Variants in FLVCR1 observed in about 807,000 individuals in gnomAD.
FLVCR1 encodes choline/ethanolamine transporter FLVCR1.
A neutral mutation model predicts 53.6 loss-of-function variants in FLVCR1; 34 were observed. The ratio of observed to expected loss-of-function variants is 0.63; its 90% confidence interval spans 0.48 to 0.84. The LOEUF is 0.84. Among genes scored for constraint, FLVCR1 ranks in the 40% least tolerant of loss-of-function variants. The probability of loss-of-function intolerance (pLI) is 0.00; values close to 1 mark genes in which losing one functional copy is unlikely to be tolerated. For missense variants in FLVCR1, 677 were observed against 696.7 expected, an observed-to-expected ratio of 0.97 and a Z score of 0.32; for synonymous variants, 300 against 286.3, an observed-to-expected ratio of 1.05 and a Z score of -0.48.
At chr1:212,876,991 A>G (rs1478575691) in intron 3 of FLVCR1, among the ~76,000 whole-genome samples, 1 of 152,148 alleles carries the variant, frequency 6.6e-6, no homozygotes, top group Non-Finnish European at 1.5e-5. Flanking sequence ...CAACCTTGCC[A>G]GCATCTGTTG....
intron 4 of FLVCR1, 102 bp from the exon 5 acceptor site, chr1:212,885,191 T>C: frequency 1.2e-6 from 1 of 852,722 alleles, no homozygotes; most frequent in South Asian, 1.4e-5. Flanking sequence ...TGCTTAGTTT[T>C]ATCTAATTAT....
chr1:212,868,435 CAG>C (rs1159487763), intron 2 of FLVCR1, among the ~76,000 whole-genome samples: 2 of 151,386 alleles, frequency 1.3e-5, no homozygotes, highest in Admixed American at 6.6e-5. Context: ...TATTTTGAGA[CAG>C]AGTTTAGCTC....
At chr1:212,871,220 C>A (rs548046672) in intron 2 of FLVCR1, among the ~76,000 whole-genome samples, 1 of 152,188 alleles carries the variant, frequency 6.6e-6, no homozygotes, top group East Asian at 1.9e-4. Context: ...CTATTGATAC[C>A]TGGCAAGATC....
chr1:212,884,419 TAC>T (rs566842624), intron 4 of FLVCR1, among the ~76,000 whole-genome samples: 1 of 151,518 alleles, frequency 6.6e-6, no homozygotes, highest in Non-Finnish European at 1.5e-5. Flanking sequence ...CAAAACAAAA[TAC>T]ACACACACAC....
chr1:212,891,334 T>A (rs567479278), intron 8 of FLVCR1, among the ~76,000 whole-genome samples: 1 of 59,078 alleles, frequency 1.7e-5, no homozygotes, highest in African/African-American at 3.7e-5. Context: ...ATTGCTTGAA[T>A]CTGGGAGGCT....
intron 2 of FLVCR1, among the ~76,000 whole-genome samples, chr1:212,864,765 A>G (rs1057385678): frequency 6.6e-6 from 1 of 152,236 alleles, no homozygotes; most frequent in Admixed American, 6.5e-5. Context: ...AATGGCTATA[A>G]TAGTAATGGA....
chr1:212,884,800 T>C (rs1346433181), intron 4 of FLVCR1, among the ~76,000 whole-genome samples: 1 of 152,232 alleles, frequency 6.6e-6, no homozygotes, highest in Non-Finnish European at 1.5e-5. Flanking sequence ...AGCCTATTGC[T>C]CCTAGGCTAC....
chr1:212,861,782 G>A (rs982112943), intron 1 of FLVCR1, among the ~76,000 whole-genome samples: 4 of 151,978 alleles, frequency 2.6e-5, no homozygotes, highest in Non-Finnish European at 4.4e-5. Flanking sequence ...CCATTCTCCT[G>A]CCTCAGCCTC....
Position 212,889,234 on chromosome 1 carries a change from T to C in FLVCR1, c.1502T>C (p.Met501Thr), listed in dbSNP as rs777314603. The C allele has an allele frequency of 6.2e-7, 1 of 1,612,402 alleles. No homozygotes were observed. The highest frequency in any genetic ancestry group is 1.1e-5 in the South Asian group (1 of 91,032). Residue 501 changes from methionine to threonine, a missense_variant, in exon 8 of 10, where the codon ATG (methionine) becomes ACG (threonine). Transcript: ENST00000366971. ...KAGNIFLCVWMFIGIILTALI... is the reference protein window; with the variant it reads ...KAGNIFLCVWTFIGIILTALI... Reference sequence around the variant, plus strand: ...GGGAACATTTTTCTCTGTGTCTGGATGTTTATAGGCATCATATTAACAGGT... The same window carrying C: ...GGGAACATTTTTCTCTGTGTCTGGACGTTTATAGGCATCATATTAACAGGT...
rs776954984 is a variant in FLVCR1, at chr1:212,897,923, A to G, written c.*2633A>G. On this transcript the variant is annotated 3_prime_UTR_variant, in exon 10 of 10. Coordinates refer to ENST00000366971, the MANE Select transcript of FLVCR1 (RefSeq NM_014053.4). ...TATCAGGCAGAATATATGCATTGAT[A>G]TATATTGAAATTATAACATTCTCTA... 5 of 152,216 alleles carry G rather than the reference A, an allele frequency of 3.3e-5. No homozygotes were observed. The highest frequency in any genetic ancestry group is 5.9e-5 in the Non-Finnish European group (4 of 68,036). The allele number at this position is 152,216 out of a possible 1,614,324, so 9.4% of individuals were successfully genotyped here. A position where few individuals can be genotyped will look rare whatever the true frequency, so the allele number is the denominator to read the frequency against.
At chr1:212,859,507 C>CA (rs1664153436) in intron 1 of FLVCR1, among the ~76,000 whole-genome samples, 1 of 152,138 alleles carries the variant, frequency 6.6e-6, no homozygotes, top group African/African-American at 2.4e-5. Flanking sequence ...CACTTCAAGT[C>CA]AGGAGTTCCA....
rs748989557 is a variant in FLVCR1, at chr1:212,895,014, CAACAT to C, written c.1557_1561del (p.Asn519LysfsTer8). 1 of 1,602,918 alleles carries C rather than the reference CAACAT, an allele frequency of 6.2e-7. No individual in the cohort carries two copies. Among genetic ancestry groups the C allele is most frequent in the Non-Finnish European group, 8.5e-7 (1 of 1,169,994 alleles). ...TAATCAAGTCTGATCTGCGAAGACA[CAACAT>C]AAATATAGGAATTACAAATGTTGAT... On this transcript the variant is annotated frameshift_variant, in exon 9 of 10. Coordinates refer to ENST00000366971, the MANE Select transcript of FLVCR1 (RefSeq NM_014053.4). LOFTEE classifies it low-confidence loss of function (END_TRUNC).
chr1:212,877,454 C>A (rs1402649447), intron 3 of FLVCR1, among the ~76,000 whole-genome samples: 1 of 152,048 alleles, frequency 6.6e-6, no homozygotes, highest in African/African-American at 2.4e-5. Flanking sequence ...ACCTCATGAT[C>A]TGCCTGCCTC....
At chr1:212,892,077 G>A (rs1665207736) in intron 8 of FLVCR1, among the ~76,000 whole-genome samples, 1 of 152,244 alleles carries the variant, frequency 6.6e-6, no homozygotes, top group South Asian at 2.1e-4. Flanking sequence ...ACTAGCAGAG[G>A]TCAGTTCATG....
intron 2 of FLVCR1, among the ~76,000 whole-genome samples, chr1:212,870,879 C>T (rs1572014145): frequency 6.6e-6 from 1 of 152,178 alleles, no homozygotes; most frequent in East Asian, 1.9e-4. Context: ...CAATTCCTGC[C>T]TCAGCCTCCT....
intron 2 of FLVCR1, among the ~76,000 whole-genome samples, chr1:212,870,808 C>T (rs1011485573): frequency 1.3e-5 from 2 of 151,962 alleles, no homozygotes; most frequent in African/African-American, 4.8e-5. Flanking sequence ...ACTCCGTTGC[C>T]CCGGCTGGAG....
At chr1:212,872,056 C>A (rs1394683986) in intron 2 of FLVCR1, among the ~76,000 whole-genome samples, 1 of 152,158 alleles carries the variant, frequency 6.6e-6, no homozygotes, top group Non-Finnish European at 1.5e-5. Flanking sequence ...TAACTCAAGT[C>A]TTTTAAAAGT....
Position 212,888,596 on chromosome 1 carries a change from TA to T in FLVCR1, c.1413+5del. On this transcript the variant is annotated splice_donor_region_variant and intron_variant, in intron 7 of 9. Coordinates refer to ENST00000366971, the MANE Select transcript of FLVCR1 (RefSeq NM_014053.4). ...GGTCTTCTTAATGCTTCTGCACAGGTAAACCTCTGATTTCTCTAAACCTGAG... is the reference window on the plus strand; with the variant it reads ...GGTCTTCTTAATGCTTCTGCACAGGTAACCTCTGATTTCTCTAAACCTGAG... 1 of 1,585,000 alleles carries T rather than the reference TA, an allele frequency of 6.3e-7. No individual in the cohort carries two copies. The highest frequency in any genetic ancestry group is 8.7e-7 in the Non-Finnish European group (1 of 1,153,562).
rs532876154 is a variant in FLVCR1 at position 212,867,993 on chromosome 1, T to C, written c.883+4124T>C. ...TAATTTTTTGTATTTTTAGTAGAGA[T>C]GGGGTTTCACCGTGTTAGCCAGGAT... is the stretch of plus-strand genomic sequence containing the variant. On this transcript the variant is annotated intron_variant, in intron 2 of 9. Coordinates refer to ENST00000366971, the MANE Select transcript of FLVCR1 (RefSeq NM_014053.4). Among the ~76,000 whole-genome samples the C allele has an allele frequency of 1.1e-4, 16 of 152,074 alleles. No individual in the cohort carries two copies. In the East Asian group the frequency reaches 2.9e-3, roughly 28 times the overall value.
Sources: gnomAD v4.1 joint callset for allele counts (sites outside exome capture counted in the v4.1 genomes callset) on GRCh38, gnomAD v4.1.1 for gene constraint, MANE v1.5 for transcripts, NCBI Gene and HGNC (gene_info 2026-07-23, HGNC 2026-07-21) for gene names.